The following SLAIN2 variants were observed in gnomAD, a reference collection of about 807,000 sequenced individuals.
The protein encoded by SLAIN2 is SLAIN family member 2.
Under a neutral mutation model 56.6 loss-of-function variants are expected in SLAIN2, and 31 were observed. That is an observed-to-expected ratio of 0.55 (90% confidence interval 0.41 to 0.74). SLAIN2 has a LOEUF of 0.74. Among genes scored for constraint, SLAIN2 ranks in the 30% least tolerant of loss-of-function variants. The probability of loss-of-function intolerance (pLI) is 0.00; values close to 1 mark genes in which losing one functional copy is unlikely to be tolerated. For missense variants in SLAIN2, 777 were observed against 754.2 expected (o/e 1.03, Z -0.35); for synonymous variants, 317 against 284.9 (o/e 1.11, Z -1.13).
At chr4:48,368,795 CCTTGATGAT>C (rs1715592947) in intron 1 of SLAIN2, among the ~76,000 whole-genome samples, 1 of 152,072 alleles carries the variant, frequency 6.6e-6, no homozygotes, top group African/African-American at 2.4e-5. Flanking sequence ...CATTATTTAG[CCTTGATGAT>C]CTTGATCAAA....
intron 1 of SLAIN2, among the ~76,000 whole-genome samples, chr4:48,353,455 G>A (rs1715064994): frequency 6.6e-6 from 1 of 151,510 alleles, no homozygotes; most frequent in Non-Finnish European, 1.5e-5. Context: ...GGCAAAGTAA[G>A]GCTAGGTTAG....
Position 48,424,289 on chromosome 4 carries a change from C to G in SLAIN2, c.*2212C>G, listed in dbSNP as rs1577745617. 1.3e-5 allele frequency: 2 copies of G among 152,028 alleles called. No individual in the cohort carries two copies. The highest frequency in any genetic ancestry group is 3.9e-4 in the East Asian group (2 of 5,172). The allele number at this position is 152,028 out of a possible 1,614,324, so 9.4% of individuals were successfully genotyped here. A position where few individuals can be genotyped will look rare whatever the true frequency, so the allele number is the denominator to read the frequency against. ...GAAAAATTGCCTTTTTACTAGAAAG[C>G]CTTTGTATATTGCAATTTTTCTGTT... On this transcript the variant is annotated 3_prime_UTR_variant, in exon 8 of 8. Coordinates refer to ENST00000264313, the MANE Select transcript of SLAIN2 (RefSeq NM_020846.2).
At chr4:48,372,572 A>C (rs185559546) in intron 2 of SLAIN2, among the ~76,000 whole-genome samples, 1 of 152,306 alleles carries the variant, frequency 6.6e-6, no homozygotes, top group Admixed American at 6.5e-5. Context: ...GTGACTAGCA[A>C]CCTGGACTTG....
chr4:48,420,151 C>T lies in SLAIN2; in HGVS notation c.1387C>T (p.Pro463Ser), dbSNP rs1189732382. The change falls in exon 7 of 8, where the codon CCT becomes TCT. Residue 463 changes from proline (P) to serine (S), a missense_variant. Coordinates refer to ENST00000264313, the MANE Select transcript of SLAIN2 (RefSeq NM_020846.2). ...AIPSPGKFRSPAAPSPLALRQ... is the reference protein window; with the variant it reads ...AIPSPGKFRSSAAPSPLALRQ... The stretch of plus-strand genomic sequence containing the variant: ...ACCTTCTCCAGGCAAATTCCGTTCC[C>T]CTGCAGCACCATCTCCTTTGGCTCT... 2 of 1,613,904 alleles carry T rather than the reference C, an allele frequency of 1.2e-6. No homozygotes were observed. The highest frequency in any genetic ancestry group is 1.1e-5 in the South Asian group (1 of 91,078).
chr4:48,391,647 G>A (rs1056425299), intron 6 of SLAIN2, among the ~76,000 whole-genome samples: 9 of 152,156 alleles, frequency 5.9e-5, no homozygotes, highest in Non-Finnish European at 7.3e-5. Context: ...CATGAGCAGA[G>A]TGAAAAGGAT....
chr4:48,363,813 C>T (rs1715418140), intron 1 of SLAIN2, among the ~76,000 whole-genome samples: 2 of 140,822 alleles, frequency 1.4e-5, no homozygotes, highest in African/African-American at 5.3e-5. Context: ...CCCGCATCTC[C>T]CTCCCGGACG....
At chr4:48,384,920 A>G (rs967556357) in intron 6 of SLAIN2, among the ~76,000 whole-genome samples, 1 of 152,206 alleles carries the variant, frequency 6.6e-6, no homozygotes, top group Admixed American at 6.5e-5. Context: ...AGAAAGCATT[A>G]ATAAAAACAA....
At chr4:48,403,985 C>T (rs183105381) in intron 6 of SLAIN2, among the ~76,000 whole-genome samples, 11 of 152,278 alleles carry the variant, frequency 7.2e-5, no homozygotes, top group African/African-American at 2.6e-4. Context: ...CACAATCACT[C>T]ACCACCTTTC....
At chr4:48,412,481 T>C (rs1380750397) in intron 6 of SLAIN2, among the ~76,000 whole-genome samples, 1 of 143,186 alleles carries the variant, frequency 7.0e-6, no homozygotes, top group Non-Finnish European at 1.6e-5. Flanking sequence ...AGGTTTTCAG[T>C]TGAATAAACA....
chr4:48,364,772 G>A (rs1249744106), intron 1 of SLAIN2, among the ~76,000 whole-genome samples: 2 of 141,950 alleles, frequency 1.4e-5, no homozygotes, highest in African/African-American at 5.1e-5. Context: ...GGCTGAGGCA[G>A]GAGAATCAGG....
chr4:48,418,958 T>A (rs1022835520), intron 6 of SLAIN2, among the ~76,000 whole-genome samples: 13 of 152,220 alleles, frequency 8.5e-5, no homozygotes, highest in African/African-American at 2.9e-4. Context: ...AGTTTACTCC[T>A]TTTTACTGCT....
In SLAIN2 at chr4:48,342,711, C is replaced by CTTTTTTTTTTTTTTT. The variant is rs761272695; in HGVS notation, c.389+593_389+607dup. 2.7e-3 allele frequency among the ~76,000 whole-genome samples: 176 copies of CTTTTTTTTTTTTTTT among 65,942 alleles called. 9 individuals carry two copies. The highest frequency in any genetic ancestry group is 3.3e-3 in the Non-Finnish European group (128 of 39,100). 43.3% of individuals were successfully genotyped at this position (65,942 alleles called of 152,430 possible). A position where few individuals can be genotyped will look rare whatever the true frequency, so the allele number is the denominator to read the frequency against. On this transcript the variant is annotated intron_variant, in intron 1 of 7. Transcript: ENST00000264313. The stretch of plus-strand genomic sequence containing the variant: ...GAAGAGAGGGCAGAGGATGGTGCTG[C>CTTTTTTTTTTTTTTT]TTTTTTTTTTTTTTTTTTTTTTTTG...
intron 6 of SLAIN2, among the ~76,000 whole-genome samples, chr4:48,384,322 C>T (rs567965382): frequency 2.6e-5 from 4 of 152,056 alleles, no homozygotes; most frequent in Non-Finnish European, 5.9e-5. Flanking sequence ...CAGGAGAACT[C>T]TTGGATGATC....
chr4:48,410,853 C>T (rs1296804274), intron 6 of SLAIN2, among the ~76,000 whole-genome samples: 2 of 152,156 alleles, frequency 1.3e-5, no homozygotes, highest in Non-Finnish European at 2.9e-5. Context: ...CATCTTCATT[C>T]GGGGCTTAGT....
rs999617709 is a variant in SLAIN2 at position 48,423,512 on chromosome 4, T to G, written c.*1435T>G. 3 of 152,186 alleles carry G rather than the reference T, an allele frequency of 2.0e-5. No individual in the cohort carries two copies. Among genetic ancestry groups the G allele is most frequent in the Non-Finnish European group, 4.4e-5 (3 of 68,030 alleles). 9.4% of individuals were successfully genotyped at this position (152,186 alleles called of 1,614,324 possible). A position where few individuals can be genotyped will look rare whatever the true frequency, so the allele number is the denominator to read the frequency against. On this transcript the variant is annotated 3_prime_UTR_variant, in exon 8 of 8. Coordinates refer to ENST00000264313, the MANE Select transcript of SLAIN2 (RefSeq NM_020846.2). Reference sequence around the variant, plus strand: ...AGCTTTTAGAGATTTGAACATAAGTTCATTTCCTGTTAATCAAAGACATTC... The same window carrying G: ...AGCTTTTAGAGATTTGAACATAAGTGCATTTCCTGTTAATCAAAGACATTC...
chr4:48,376,833 G>C (rs578031639), intron 2 of SLAIN2, among the ~76,000 whole-genome samples: 2 of 149,616 alleles, frequency 1.3e-5, no homozygotes, highest in Admixed American at 6.6e-5. Flanking sequence ...CCGTGGTCTC[G>C]AGCTCCTGAC....
At chr4:48,394,932 T>A (rs1255719478) in intron 6 of SLAIN2, among the ~76,000 whole-genome samples, 1 of 152,224 alleles carries the variant, frequency 6.6e-6, no homozygotes, top group Non-Finnish European at 1.5e-5. Context: ...TTTCAACTTT[T>A]TGCCAACTGA....
chr4:48,345,441 C>G (rs1577705397), intron 1 of SLAIN2, among the ~76,000 whole-genome samples: 1 of 151,878 alleles, frequency 6.6e-6, no homozygotes, highest in East Asian at 1.9e-4. Context: ...AGAGTTGTAC[C>G]CAGCATTTTA....
At chr4:48,363,795 G>A (rs1356846554) in intron 1 of SLAIN2, among the ~76,000 whole-genome samples, 2 of 138,446 alleles carry the variant, frequency 1.4e-5, no homozygotes, top group African/African-American at 5.3e-5. Flanking sequence ...CGGGTGGGGG[G>A]GCTGACCCCC....
Sources: allele counts gnomAD v4.1 joint callset (sites outside exome capture counted in the v4.1 genomes callset), GRCh38; gene constraint gnomAD v4.1.1; transcripts MANE v1.5; gene names NCBI Gene and HGNC (gene_info 2026-07-23, HGNC 2026-07-21).